EEPD1: variants seen among roughly 807,000 people sequenced by gnomAD.
The protein encoded by EEPD1 is endonuclease/exonuclease/phosphatase family domain-containing protein 1.
EEPD1 carries 17 observed loss-of-function variants against 46.3 expected under a neutral mutation model. The observed-to-expected ratio is 0.37, with a 90% CI of 0.25 to 0.55. The LOEUF is 0.55. Among genes scored for constraint, EEPD1 ranks in the 20% least tolerant of loss-of-function variants. The probability of loss-of-function intolerance (pLI) is 0.83; values close to 1 mark genes in which losing one functional copy is unlikely to be tolerated. For missense variants in EEPD1, 673 were observed against 745.6 expected (o/e 0.90, Z 1.13); for synonymous variants, 313 against 315.6 (o/e 0.99, Z 0.09).
At chr7:36,161,914 A>G (rs950298441) in intron 2 of EEPD1, among the ~76,000 whole-genome samples, 9 of 144,492 alleles carry the variant, frequency 6.2e-5, no homozygotes, top group African/African-American at 2.1e-4. Flanking sequence ...AAAAAAAAAA[A>G]AATTACTCTA....
chr7:36,301,201 C>T lies in EEPD1; in HGVS notation c.*1995C>T, dbSNP rs1787618051. On this transcript the variant is annotated 3_prime_UTR_variant, in exon 8 of 8. Transcript: ENST00000242108. The stretch of plus-strand genomic sequence containing the variant: ...GAGTCCCAGCCAAACCTCACTGGCC[C>T]TTTTGCTTTTCACGCCCAGGGCTCA... 2 of 152,184 alleles carry T rather than the reference C, an allele frequency of 1.3e-5. No individual in the cohort carries two copies. The highest frequency in any genetic ancestry group is 4.1e-4 in the South Asian group (2 of 4,830). The allele number at this position is 152,184 out of a possible 1,614,324, so 9.4% of individuals were successfully genotyped here.
chr7:36,275,906 TCA>T (rs1241179958), intron 3 of EEPD1, among the ~76,000 whole-genome samples: 1 of 151,262 alleles, frequency 6.6e-6, no homozygotes, highest in Non-Finnish European at 1.5e-5. Flanking sequence ...GAACCCCTTG[TCA>T]CTGCAGAGTC....
intron 3 of EEPD1, among the ~76,000 whole-genome samples, chr7:36,254,166 C>G (rs571553521): frequency 9.9e-5 from 15 of 152,022 alleles, no homozygotes; most frequent in African/African-American, 3.1e-4. Context: ...TTCTGAGGTA[C>G]GTGTGCAGAA....
intron 7 of EEPD1, 27 bp downstream of exon 7, chr7:36,297,214 T>C: frequency 6.2e-7 from 1 of 1,610,482 alleles, no homozygotes; most frequent in South Asian, 1.1e-5. Context: ...TTGTCCTTTC[T>C]CCTGTTCAGG....
chr7:36,266,840 C>T (rs951912400), intron 3 of EEPD1, among the ~76,000 whole-genome samples: 24 of 152,180 alleles, frequency 1.6e-4, no homozygotes, highest in South Asian at 1.2e-3. Context: ...AATATGTAGC[C>T]TTTTGTGTCT....
At chr7:36,238,836 T>C in intron 2 of EEPD1, 149 bp from the exon 3 acceptor site, 1 of 662,216 alleles carries the variant, frequency 1.5e-6, no homozygotes, top group South Asian at 2.4e-5. Context: ...ACGGTCATTT[T>C]GATTTAAATA....
In EEPD1 at chr7:36,271,720, C is replaced by CTTCTAGGGGTTTT. The variant is rs60503175; in HGVS notation, c.931-9395_931-9394insTTCTAGGGGTTTT. 3.6e-5 allele frequency among the ~76,000 whole-genome samples: 2 copies of CTTCTAGGGGTTTT among 55,332 alleles called. 1 individual carries two copies. Among genetic ancestry groups the CTTCTAGGGGTTTT allele is most frequent in the Non-Finnish European group, 8.0e-5 (2 of 25,002 alleles). The allele number at this position is 55,332 out of a possible 152,430, so 36.3% of individuals were successfully genotyped here. A position where few individuals can be genotyped will look rare whatever the true frequency, so the allele number is the denominator to read the frequency against. ...TCCTGAATGGTATTGCCTAGGTTTT[C>CTTCTAGGGGTTTT]ATGGTTTTAGGTTTTACATTTAAGT... is the stretch of plus-strand genomic sequence containing the variant. On this transcript the variant is annotated intron_variant, in intron 3 of 7. Transcript: ENST00000242108.
intron 3 of EEPD1, among the ~76,000 whole-genome samples, chr7:36,265,277 C>T (rs961675705): frequency 6.6e-6 from 1 of 151,982 alleles, no homozygotes; most frequent in African/African-American, 2.4e-5. Context: ...GCCTAGAGCC[C>T]GCCTGAGAGT....
chr7:36,256,652 T>C (rs1786832684), intron 3 of EEPD1, among the ~76,000 whole-genome samples: 1 of 152,220 alleles, frequency 6.6e-6, no homozygotes, highest in South Asian at 2.1e-4. Context: ...ACCTCTGCTT[T>C]TTTTTTGCTT....
At position 36,154,965 on chromosome 7, in the gene EEPD1, C is replaced by T. The variant is rs1368414870; in HGVS notation, c.641C>T (p.Thr214Ile). 1 of 1,613,960 alleles carries T rather than the reference C, an allele frequency of 6.2e-7. No individual in the cohort carries two copies. The highest frequency in any genetic ancestry group is 8.5e-7 in the Non-Finnish European group (1 of 1,179,980). ...CACACGAACGGGGGACTGACCTTCA[C>T]CGCCAAGCCTCACCCGAGCCCCACT... ...STHTNGGLTFTAKPHPSPTSL... is the reference protein window; with the variant it reads ...STHTNGGLTFIAKPHPSPTSL... Residue 214 changes from threonine to isoleucine, a missense_variant, in exon 2 of 8, where the codon ACC (threonine) becomes ATC (isoleucine). Physicochemically the swap from Thr to Ile is moderately conservative, Grantham distance 89 (BLOSUM62 -1). Transcript: ENST00000242108. The surrounding 1 kb of genome is among the most constrained non-coding windows in gnomAD (Gnocchi z 4.2).
intron 2 of EEPD1, among the ~76,000 whole-genome samples, chr7:36,195,851 G>T (rs1360931458): frequency 6.6e-6 from 1 of 152,160 alleles, no homozygotes; most frequent in Non-Finnish European, 1.5e-5. Flanking sequence ...ACATTATGTT[G>T]TATACCATAA....
intron 2 of EEPD1, among the ~76,000 whole-genome samples, chr7:36,197,441 T>G (rs1441223519): frequency 1.3e-5 from 2 of 152,198 alleles, no homozygotes; most frequent in African/African-American, 4.8e-5. Flanking sequence ...GAACGGGCCA[T>G]GATGACGATA....
chr7:36,289,477 G>T (rs1324055067), intron 6 of EEPD1, among the ~76,000 whole-genome samples: 1 of 152,118 alleles, frequency 6.6e-6, no homozygotes, highest in Non-Finnish European at 1.5e-5. Context: ...TGTCTTCAAG[G>T]TTCATCCATG....
chr7:36,184,435 G>A (rs1785327343), intron 2 of EEPD1, among the ~76,000 whole-genome samples: 1 of 152,160 alleles, frequency 6.6e-6, no homozygotes, highest in Non-Finnish European at 1.5e-5. Flanking sequence ...CACAGCCAGT[G>A]CTCAACCCAG....
chr7:36,207,072 C>A (rs1785833680), intron 2 of EEPD1, among the ~76,000 whole-genome samples: 1 of 151,582 alleles, frequency 6.6e-6, no homozygotes, highest in South Asian at 2.1e-4. Flanking sequence ...AAAACAACAA[C>A]AAAAAAAACT....
chr7:36,248,291 A>G (rs1219691329), intron 3 of EEPD1, among the ~76,000 whole-genome samples: 1 of 149,890 alleles, frequency 6.7e-6, no homozygotes, highest in Non-Finnish European at 1.5e-5. Context: ...TGCAACCTCC[A>G]CCTCCTGAGC....
intron 2 of EEPD1, among the ~76,000 whole-genome samples, chr7:36,219,800 AGAGAGAGTGT>A (rs1257422873): frequency 3.0e-5 from 2 of 66,610 alleles, no homozygotes; most frequent in East Asian, 1.0e-3. Context: ...AGAGAGAGAG[AGAGAGAGTGT>A]GTGTGTGTGT....
chr7:36,238,779 T>C (rs895086940), intron 2 of EEPD1, among the ~76,000 whole-genome samples: 2 of 152,216 alleles, frequency 1.3e-5, no homozygotes, highest in Non-Finnish European at 2.9e-5. Flanking sequence ...CTGGATCATA[T>C]GGTAAAAATT....
At chr7:36,236,425 G>A (rs1246813083) in intron 2 of EEPD1, among the ~76,000 whole-genome samples, 1 of 152,220 alleles carries the variant, frequency 6.6e-6, no homozygotes, top group Non-Finnish European at 1.5e-5. Context: ...TGCGTGGACC[G>A]CCGTTCCCTC....
Sources: gnomAD v4.1 joint callset for allele counts (sites outside exome capture counted in the v4.1 genomes callset) on GRCh38, gnomAD v4.1.1 for gene constraint, Gnocchi (gnomAD v3.1) non-coding constraint, MANE v1.5 for transcripts, NCBI Gene and HGNC (gene_info 2026-07-23, HGNC 2026-07-21) for gene names.